RILPL1: variants seen among roughly 807,000 people sequenced by gnomAD.
The protein encoded by RILPL1 is RILP-like protein 1.
RILPL1 carries 33 observed loss-of-function variants against 50.3 expected under a neutral mutation model. The observed-to-expected ratio is 0.66, with a 90% CI of 0.50 to 0.88. The LOEUF (loss-of-function observed/expected upper bound fraction) is 0.88, where lower values mean the gene tolerates loss of function less well. Ranked by LOEUF, RILPL1 falls within the 40% of genes least tolerant of loss-of-function variation. RILPL1 has a pLI of 0.00. For synonymous variants in RILPL1, 205 were observed against 228.6 expected, an observed-to-expected ratio of 0.90 and a Z score of 0.93; for missense variants, 418 against 542.5, an observed-to-expected ratio of 0.77 and a Z score of 2.28.
intron 2 of RILPL1, among the ~76,000 whole-genome samples, chr12:123,511,250 T>G (rs1219575736): frequency 4.1e-5 from 6 of 144,820 alleles, no homozygotes; most frequent in Non-Finnish European, 6.0e-5. Flanking sequence ...GTGGTGTGTG[T>G]GTGAGGTCTG....
Position 123,499,504 on chromosome 12 carries a change from T to A in RILPL1, c.493A>T (p.Lys165Ter). Residue 165 changes from lysine to a stop codon, truncating the protein, a stop_gained, in exon 3 of 7, where the codon AAG becomes TAG. Transcript: ENST00000376874. LOFTEE classifies it high-confidence loss of function. ...MSERERQVMK[K>*]LKEVVDKQRD... ...TGTTTGTCCACCACCTCCTTCAGCT[T>A]CTTCATCACCTGTCGCTCCCGCTCT... The A allele has an allele frequency of 6.2e-7, 1 of 1,613,860 alleles. No homozygotes were observed. Among genetic ancestry groups the A allele is most frequent in the Non-Finnish European group, 8.5e-7 (1 of 1,179,842 alleles).
intron 2 of RILPL1, among the ~76,000 whole-genome samples, chr12:123,501,443 A>AAAAC (rs34227751): frequency 0.28 from 42,484 of 149,682 alleles, 6,978 homozygotes; most frequent in African/African-American, 0.45. Context: ...ACCCTGTCTC[A>AAAAC]AAACAAACAA....
intron 2 of RILPL1, among the ~76,000 whole-genome samples, chr12:123,514,991 T>C (rs909293177): frequency 1.3e-5 from 2 of 151,318 alleles, no homozygotes; most frequent in Non-Finnish European, 2.9e-5. Flanking sequence ...AGTGCAGTGG[T>C]GCAATCAAGG....
intron 1 of RILPL1, among the ~76,000 whole-genome samples, chr12:123,530,449 G>T (rs565180875): frequency 9.0e-4 from 137 of 152,326 alleles, no homozygotes; most frequent in Non-Finnish European, 1.7e-3. Context: ...TTACAGGTGT[G>T]AGCCACCGCG....
At chr12:123,490,223 C>G (rs539343980) in intron 4 of RILPL1, among the ~76,000 whole-genome samples, 35 of 152,274 alleles carry the variant, frequency 2.3e-4, no homozygotes, top group African/African-American at 7.2e-4. Context: ...TCCCCACACC[C>G]TGGGGAAAGA....
At position 123,498,598 on chromosome 12, in the gene RILPL1, C is replaced by T. The variant is rs747797690; in HGVS notation, c.747G>A (p.Lys249=). 8 of 1,613,772 alleles carry T rather than the reference C, an allele frequency of 5.0e-6. No homozygotes were observed. In the Admixed American group the frequency reaches 1.3e-4, roughly 27 times the overall value. ...EMGSLRAELG[K]LRERLQGEHS... is the part of the protein sequence containing the mutation. ...GCTCCCCCTGCAGCCTCTCTCGCAA[C>T]TTCCCCAGCTCTGCTCGCAGGCTGC... The change falls in exon 4 of 7, where the codon AAG becomes AAA. Residue 249 remains lysine, a synonymous_variant. Coordinates refer to ENST00000376874, the MANE Select transcript of RILPL1 (RefSeq NM_178314.5). This position sits in a 1 kb window ranked among gnomAD's most constrained non-coding sequence, Gnocchi z 4.3.
At chr12:123,502,420 CT>C (rs1247836749) in intron 2 of RILPL1, among the ~76,000 whole-genome samples, 2 of 152,260 alleles carry the variant, frequency 1.3e-5, no homozygotes, top group African/African-American at 4.8e-5. Context: ...CGTGAAAACC[CT>C]CTCTTCATGG....
At chr12:123,510,771 C>G (rs1177692205) in intron 2 of RILPL1, among the ~76,000 whole-genome samples, 1 of 60,772 alleles carries the variant, frequency 1.6e-5, no homozygotes, top group African/African-American at 6.2e-5. Flanking sequence ...AATGTGGGGT[C>G]TGTGTGTGTG....
chr12:123,532,540 G>C (rs1885469792), intron 1 of RILPL1, among the ~76,000 whole-genome samples: 1 of 152,144 alleles, frequency 6.6e-6, no homozygotes, highest in Non-Finnish European at 1.5e-5. Flanking sequence ...AGTCTCTATA[G>C]AGTCCTGTGA....
chr12:123,515,087 T>C (rs1182249554), intron 2 of RILPL1, among the ~76,000 whole-genome samples: 1 of 152,018 alleles, frequency 6.6e-6, no homozygotes, highest in African/African-American at 2.4e-5. Flanking sequence ...TGCACCACCA[T>C]GCCCAGCTAA....
chr12:123,483,801 A>G (rs1472051510), intron 6 of RILPL1, among the ~76,000 whole-genome samples: 1 of 152,128 alleles, frequency 6.6e-6, no homozygotes, highest in African/African-American at 2.4e-5. Context: ...GCCACCTGAC[A>G]TCTCAGAGCT....
At chr12:123,484,130 C>T (rs754927915) in intron 6 of RILPL1, 50 bp downstream of exon 6, 51 of 1,233,200 alleles carry the variant, frequency 4.1e-5, no homozygotes, top group South Asian at 6.3e-5. Flanking sequence ...TCAAAGGACA[C>T]GTGAACCGCC....
rs375277796 is a variant in RILPL1 at position 123,484,213 on chromosome 12, G to A, written c.1034C>T (p.Thr345Met). 7 of 1,610,760 alleles carry A rather than the reference G, an allele frequency of 4.3e-6. No homozygotes were observed. The highest frequency in any genetic ancestry group is 3.3e-4 in the Middle Eastern group (2 of 6,072). ...GATGCCCGACTCCGGCTGGGGGGAC[G>A]TCCTCGGGTGGGCGATGGGTGGGGG... is the stretch of plus-strand genomic sequence containing the variant. ...PQPPPIAHPR[T>M]SPQPESGIKR... The change falls in exon 6 of 7, where the codon ACG (threonine) becomes ATG (methionine). Residue 345 changes from threonine to methionine, a missense_variant. Coordinates refer to ENST00000376874, the MANE Select transcript of RILPL1 (RefSeq NM_178314.5).
intron 6 of RILPL1, chr12:123,475,368 C>CACTTAAAG (rs1881517347): frequency 4.8e-6 from 2 of 413,956 alleles, no homozygotes; most frequent in African/African-American, 4.0e-5. Context: ...ACTGACCCGT[C>CACTTAAAG]ACTTAAAGGA....
chr12:123,498,691 C>G lies in RILPL1; in HGVS notation c.654G>C (p.Gln218His). The G allele has an allele frequency of 6.2e-7, 1 of 1,613,740 alleles. No homozygotes were observed. Among genetic ancestry groups the G allele is most frequent in the Non-Finnish European group, 8.5e-7 (1 of 1,179,878 alleles). ...CCTTCTGTTCGATCAGGGCTTTCCCCTGGGCCTCCACCACCGTGACCCGGT... is the reference window on the plus strand; with the variant it reads ...CCTTCTGTTCGATCAGGGCTTTCCCGTGGGCCTCCACCACCGTGACCCGGT... ...LRHRVTVVEA[Q>H]GKALIEQKVE... Residue 218 changes from glutamine (Q) to histidine (H), a missense_variant, in exon 4 of 7, where the codon CAG becomes CAC. Coordinates refer to ENST00000376874, the MANE Select transcript of RILPL1 (RefSeq NM_178314.5). This position sits in a 1 kb window ranked among gnomAD's most constrained non-coding sequence, Gnocchi z 4.3.
rs766580126 is a variant in RILPL1 at position 123,498,519 on chromosome 12, C to T, written c.801+25G>A. 7 of 1,605,794 alleles carry T rather than the reference C, an allele frequency of 4.4e-6. No individual in the cohort carries two copies. The Admixed American group carries it at 1.2e-4, about 27-fold the overall frequency. The stretch of plus-strand genomic sequence containing the variant: ...CCCCCAGACTGACCCTCTGCTACCA[C>T]CTCTGCACCCAGCTTCCTGCTCACC... On this transcript the variant is annotated intron_variant, in intron 4 of 6. Coordinates refer to ENST00000376874, the MANE Select transcript of RILPL1 (RefSeq NM_178314.5). The surrounding 1 kb of genome is among the most constrained non-coding windows in gnomAD (Gnocchi z 4.3).
rs1882253508 is a variant in RILPL1 at position 123,485,301 on chromosome 12, C to T, written c.974+332G>A. ...GCCACATAGACCATTAACACCGGGG[C>T]CGGGTTTCATTCATTCATTCATTTA... On this transcript the variant is annotated intron_variant, in intron 5 of 6. Coordinates refer to ENST00000376874, the MANE Select transcript of RILPL1 (RefSeq NM_178314.5). The surrounding 1 kb of genome is among the most constrained non-coding windows in gnomAD (Gnocchi z 4.0). 1.1e-5 allele frequency: 5 copies of T among 458,528 alleles called. No homozygotes were observed. Among genetic ancestry groups the T allele is most frequent in the South Asian group, 6.4e-5 (4 of 62,356 alleles). The allele number at this position is 458,528 out of a possible 1,614,324, so 28.4% of individuals were successfully genotyped here.
chr12:123,489,229 T>C lies in RILPL1; in HGVS notation c.802-3424A>G, dbSNP rs1166579055. ...GGGCTGAAGAGAAGATACACATAAA[T>C]AGAAGCTTAAGGCCAGGTGTGGTGG... is the stretch of plus-strand genomic sequence containing the variant. On this transcript the variant is annotated intron_variant, in intron 4 of 6. Transcript: ENST00000376874. The surrounding 1 kb of genome is among the most constrained non-coding windows in gnomAD (Gnocchi z 4.0). 3.9e-5 allele frequency among the ~76,000 whole-genome samples: 6 copies of C among 152,032 alleles called. No individual in the cohort carries two copies. The highest frequency in any genetic ancestry group is 1.4e-4 in the African/African-American group (6 of 41,394).
rs1434569847 is a variant in RILPL1, at chr12:123,485,305, G to A, written c.974+328C>T. The stretch of plus-strand genomic sequence containing the variant: ...CATAGACCATTAACACCGGGGCCGG[G>A]TTTCATTCATTCATTCATTTAAAAA... On this transcript the variant is annotated intron_variant, in intron 5 of 6. Transcript: ENST00000376874. The surrounding 1 kb of genome is among the most constrained non-coding windows in gnomAD (Gnocchi z 4.0). The A allele has an allele frequency of 4.3e-6, 2 of 461,672 alleles. No homozygotes were observed. Among genetic ancestry groups the A allele is most frequent in the South Asian group, 1.6e-5 (1 of 61,972 alleles). 28.6% of individuals were successfully genotyped at this position (461,672 alleles called of 1,614,324 possible).
Sources: allele counts gnomAD v4.1 joint callset (sites outside exome capture counted in the v4.1 genomes callset), GRCh38; gene constraint gnomAD v4.1.1; non-coding constraint Gnocchi (gnomAD v3.1); transcripts MANE v1.5; gene names NCBI Gene and HGNC (gene_info 2026-07-23, HGNC 2026-07-21).